The following ABAT variants were observed in gnomAD, a reference collection of about 807,000 sequenced individuals.
ABAT encodes the protein 4-aminobutyrate aminotransferase, mitochondrial.
In ABAT, 45 loss-of-function variants were observed where a neutral mutation model predicts 64.6. The observed-to-expected ratio is 0.70, with a 90% CI of 0.55 to 0.89. The LOEUF is 0.89. ABAT is among the 40% of genes least tolerant of loss of function. The pLI is 0.00. For synonymous variants in ABAT, 297 were observed against 250.5 expected (o/e 1.19, Z -1.75); for missense variants, 633 against 658.4 (o/e 0.96, Z 0.42).
rs79083033 is a variant in ABAT, at chr16:8,738,652, G to T, written c.70+2843G>T. Among the ~76,000 whole-genome samples, 86 of 131,738 alleles carry T rather than the reference G, an allele frequency of 6.5e-4. 1 individual carries two copies. The East Asian group carries it at 0.017, about 26-fold the overall frequency. 86.4% of individuals were successfully genotyped at this position (131,738 alleles called of 152,430 possible). On this transcript the variant is annotated intron_variant, in intron 2 of 15. Transcript: ENST00000268251. ...TGTTTTTTTTTTGGTGTGTGTGTAT[G>T]TGTGTCTGAGATGGAGTCTCACTCT...
chr16:8,779,187 G>A (rs1265663516), intron 14 of ABAT, among the ~76,000 whole-genome samples: 2 of 152,226 alleles, frequency 1.3e-5, no homozygotes, highest in Admixed American at 6.5e-5. Flanking sequence ...AGGGTAAACA[G>A]AGGCACTTGA....
intron 1 of ABAT, among the ~76,000 whole-genome samples, chr16:8,721,516 C>A (rs920977560): frequency 1.3e-5 from 2 of 152,182 alleles, no homozygotes; most frequent in African/African-American, 4.8e-5. Flanking sequence ...GCAGCCAACG[C>A]TAGAAATTTC....
chr16:8,713,607 G>A, intron 1 of ABAT: 1 of 300,704 alleles, frequency 3.3e-6, no homozygotes, highest in South Asian at 2.7e-5. Flanking sequence ...TTGCGCACTT[G>A]CCGGGTACCA....
At chr16:8,750,581 C>T in intron 5 of ABAT, 42 bp downstream of exon 5, 1 of 1,569,462 alleles carries the variant, frequency 6.4e-7, no homozygotes, top group Non-Finnish European at 8.8e-7. Context: ...ACCTCTGTTT[C>T]TGTCTCTCCT....
chr16:8,777,546 G>C (rs565197597), intron 14 of ABAT, among the ~76,000 whole-genome samples: 2 of 152,166 alleles, frequency 1.3e-5, no homozygotes, highest in Non-Finnish European at 2.9e-5. Flanking sequence ...AGCTGGTCAC[G>C]TGGTCACTCC....
intron 1 of ABAT, among the ~76,000 whole-genome samples, chr16:8,700,837 C>G (rs544257332): frequency 5.3e-5 from 8 of 151,782 alleles, no homozygotes; most frequent in African/African-American, 1.9e-4. Flanking sequence ...AGCTCCCTGG[C>G]TCAAGCAGTC....
intron 14 of ABAT, 92 bp from the exon 15 acceptor site, chr16:8,779,387 C>A: frequency 9.3e-7 from 1 of 1,076,112 alleles, no homozygotes; most frequent in Non-Finnish European, 1.4e-6. Flanking sequence ...CGAGGCTGGA[C>A]CATGGGAGGC....
Position 8,766,137 on chromosome 16 carries a change from T to C in ABAT, c.541-71T>C, listed in dbSNP as rs1018272109. Reference sequence around the variant, plus strand: ...TCTACTTGTCTGGACTGAATATCGGTTTGGTTGGAAAGATGAAGCCCCGAC... The same window carrying C: ...TCTACTTGTCTGGACTGAATATCGGCTTGGTTGGAAAGATGAAGCCCCGAC... On this transcript the variant is annotated intron_variant, in intron 8 of 15. Coordinates refer to ENST00000268251, the MANE Select transcript of ABAT (RefSeq NM_020686.6). 8.6e-5 allele frequency: 123 copies of C among 1,426,396 alleles called. No individual in the cohort carries two copies. The African/African-American group carries it at 1.6e-3, about 19-fold the overall frequency. The allele number at this position is 1,426,396 out of a possible 1,614,324, so 88.4% of individuals were successfully genotyped here.
Position 8,691,981 on chromosome 16 carries a change from C to T in ABAT, c.-42+17270C>T, listed in dbSNP as rs565264107. ...GTGTTTTCACAGGAAGTTTCTGTTA[C>T]GAACCACACCTGTTTTCAGTACCTT... On this transcript the variant is annotated intron_variant, in intron 1 of 15. Transcript: ENST00000268251. Among the ~76,000 whole-genome samples the T allele has an allele frequency of 3.9e-5, 6 of 152,354 alleles. No individual in the cohort carries two copies. In the East Asian group the frequency reaches 1.2e-3, roughly 29 times the overall value.
intron 1 of ABAT, among the ~76,000 whole-genome samples, chr16:8,710,727 A>AGGGAGAGAGGGAGAGGGAGG (rs3069301): frequency 1.9e-5 from 2 of 103,700 alleles, no homozygotes; most frequent in Admixed American, 1.1e-4. Flanking sequence ...AGAGAGAGAG[A>AGGGAGAGAGGGAGAGGGAGG]GAGGAAATAG....
At chr16:8,694,869 A>C (rs1043130169) in intron 1 of ABAT, among the ~76,000 whole-genome samples, 1 of 152,166 alleles carries the variant, frequency 6.6e-6, no homozygotes, top group African/African-American at 2.4e-5. Flanking sequence ...GGGAGAAGGA[A>C]GGCAGGCCGC....
chr16:8,718,980 A>T (rs1387545372), intron 1 of ABAT, among the ~76,000 whole-genome samples: 5 of 152,212 alleles, frequency 3.3e-5, no homozygotes, highest in Non-Finnish European at 7.3e-5. Flanking sequence ...CACTTGTTAT[A>T]CGCTGTGATT....
Position 8,764,711 on chromosome 16 carries a change from G to C in ABAT, c.448-27G>C, listed in dbSNP as rs2059892919. The C allele has an allele frequency of 6.2e-7, 1 of 1,605,182 alleles. No individual in the cohort carries two copies. Among genetic ancestry groups the C allele is most frequent in the Non-Finnish European group, 8.5e-7 (1 of 1,172,046 alleles). On this transcript the variant is annotated intron_variant, in intron 7 of 15. Coordinates refer to ENST00000268251, the MANE Select transcript of ABAT (RefSeq NM_020686.6). The surrounding 1 kb of genome is among the most constrained non-coding windows in gnomAD (Gnocchi z 4.2). ...GAGGACAGGAGTCATGATGAGCCTGGGCTCACGGCTATTTCCCTCCCCACA... is the reference window on the plus strand; with the variant it reads ...GAGGACAGGAGTCATGATGAGCCTGCGCTCACGGCTATTTCCCTCCCCACA...
At chr16:8,761,301 C>T (rs1296127441) in intron 6 of ABAT, among the ~76,000 whole-genome samples, 1 of 151,884 alleles carries the variant, frequency 6.6e-6, no homozygotes, top group Non-Finnish European at 1.5e-5. Context: ...TCGATCCCTC[C>T]CACCTCCCTT....
intron 1 of ABAT, among the ~76,000 whole-genome samples, chr16:8,734,228 T>G (rs933407778): frequency 6.6e-6 from 1 of 152,224 alleles, no homozygotes; most frequent in African/African-American, 2.4e-5. Flanking sequence ...TCACTTTTCC[T>G]TCAAGGCACT....
chr16:8,758,336 C>T (rs1317260473), intron 6 of ABAT, among the ~76,000 whole-genome samples: 2 of 152,050 alleles, frequency 1.3e-5, no homozygotes, highest in African/African-American at 2.4e-5. Flanking sequence ...AGGGAGGCTT[C>T]CCAGGGAAAT....
At chr16:8,718,532 A>G (rs2058276081) in intron 1 of ABAT, among the ~76,000 whole-genome samples, 1 of 152,176 alleles carries the variant, frequency 6.6e-6, no homozygotes, top group Admixed American at 6.6e-5. Flanking sequence ...ATTGAATTCA[A>G]CAAGTGTTTT....
At chr16:8,709,986 A>T (rs1033115879) in intron 1 of ABAT, among the ~76,000 whole-genome samples, 1 of 151,856 alleles carries the variant, frequency 6.6e-6, no homozygotes, top group South Asian at 2.1e-4. Context: ...GTATGTTTGT[A>T]TTTTTTTATA....
chr16:8,753,833 A>T (rs947893078), intron 5 of ABAT, among the ~76,000 whole-genome samples: 1 of 152,104 alleles, frequency 6.6e-6, no homozygotes, highest in African/African-American at 2.4e-5. Flanking sequence ...GACCAGACAG[A>T]GTGGAACCCC....
Sources: allele counts gnomAD v4.1 joint callset (sites outside exome capture counted in the v4.1 genomes callset), GRCh38; gene constraint gnomAD v4.1.1; non-coding constraint Gnocchi (gnomAD v3.1); transcripts MANE v1.5; gene names NCBI Gene and HGNC (gene_info 2026-07-23, HGNC 2026-07-21).